Variants in ATP10B observed in about 807,000 individuals in gnomAD.
ATP10B encodes the protein ATPase phospholipid transporting 10B (putative).
Under a neutral mutation model 141.2 loss-of-function variants are expected in ATP10B, and 122 were observed. The ratio of observed to expected loss-of-function variants is 0.86; its 90% confidence interval spans 0.75 to 1.00. ATP10B has a LOEUF of 1.00. ATP10B is among the 50% of genes least tolerant of loss of function. The probability of loss-of-function intolerance (pLI) is 0.00; values close to 1 mark genes in which losing one functional copy is unlikely to be tolerated. For synonymous variants in ATP10B, 685 were observed against 692.0 expected (o/e 0.99, Z 0.16); for missense variants, 1,876 against 1,825.3 (o/e 1.03, Z -0.51).
At chr5:160,639,698 C>CAAT in intron 10 of ATP10B, among the ~76,000 whole-genome samples, 1 of 152,096 alleles carries the variant, frequency 6.6e-6, no homozygotes, top group African/African-American at 2.4e-5. Flanking sequence ...TTGCGGAAGA[C>CAAT]AATTTTTCCA....
intron 10 of ATP10B, among the ~76,000 whole-genome samples, chr5:160,637,456 G>C (rs565961305): frequency 6.6e-6 from 1 of 152,182 alleles, no homozygotes; most frequent in Non-Finnish European, 1.5e-5. Context: ...AAATTAGGGA[G>C]CCAGGCATAA....
At chr5:160,883,394 G>C in the ATP10B span, among the ~76,000 whole-genome samples, 3 of 152,156 alleles carry the variant, frequency 2.0e-5, no homozygotes, top group South Asian at 6.2e-4. Context: ...GTCATGTATG[G>C]ATAATGGTTT....
intron 3 of ATP10B, among the ~76,000 whole-genome samples, chr5:160,705,033 C>A (rs2127765016): frequency 6.7e-6 from 1 of 149,114 alleles, no homozygotes; most frequent in East Asian, 2.1e-4. Flanking sequence ...ATTCTCCTGC[C>A]TCAGCCTCCC....
intron 20 of ATP10B, 166 bp downstream of exon 20, chr5:160,603,799 T>A (rs1375062533): frequency 3.5e-6 from 2 of 569,024 alleles, no homozygotes; most frequent in Non-Finnish European, 6.3e-6. Flanking sequence ...AGTGTACATT[T>A]GCAAAATGAT....
chr5:160,636,437 A>G (rs887653547), intron 10 of ATP10B, 128 bp from the exon 11 acceptor site: 3 of 951,158 alleles, frequency 3.2e-6, no homozygotes, highest in African/African-American at 1.6e-5. Flanking sequence ...CTTCCATACA[A>G]TGTAGCTCTG....
At chr5:160,808,625 C>T (rs945771367) in intron 1 of ATP10B, among the ~76,000 whole-genome samples, 2 of 152,172 alleles carry the variant, frequency 1.3e-5, no homozygotes, top group South Asian at 2.1e-4. Flanking sequence ...ATGTTCTGCC[C>T]CAAACTCTTG....
chr5:160,652,792 A>G (rs1760867933), intron 7 of ATP10B, among the ~76,000 whole-genome samples: 2 of 108,342 alleles, frequency 1.8e-5, no homozygotes, highest in South Asian at 4.7e-4. Flanking sequence ...ATATAAAAAT[A>G]TATAATATAT....
rs1375761792 is a variant in ATP10B at position 160,686,076 on chromosome 5, T to C, written c.470+3A>G. 3.9e-6 allele frequency: 6 copies of C among 1,554,998 alleles called. No individual in the cohort carries two copies. The African/African-American group carries it at 6.8e-5, about 18-fold the overall frequency. On this transcript the variant is annotated splice_donor_region_variant and intron_variant, in intron 6 of 25. Coordinates refer to ENST00000327245, the MANE Select transcript of ATP10B (RefSeq NM_025153.3). ...GAGAGAACACAGGGATGGTTTTTCT[T>C]ACCTTTCATAAATTCGAATGTTGGA...
the ATP10B span, among the ~76,000 whole-genome samples, chr5:160,873,667 G>A: frequency 1.0e-3 from 156 of 152,314 alleles, no homozygotes; most frequent in Non-Finnish European, 1.2e-4. Flanking sequence ...ACGCAGGTCA[G>A]TGGGTGCACG....
At chr5:160,747,834 T>G (rs1371530970) in intron 2 of ATP10B, among the ~76,000 whole-genome samples, 1 of 152,146 alleles carries the variant, frequency 6.6e-6, no homozygotes, top group African/African-American at 2.4e-5. Context: ...TCTCATAGCT[T>G]GCTTTTATCT....
chr5:160,838,477 T>G (rs541057046), intron 1 of ATP10B, among the ~76,000 whole-genome samples: 33 of 152,320 alleles, frequency 2.2e-4, no homozygotes, highest in Non-Finnish European at 7.4e-5. Flanking sequence ...TCAAAATACT[T>G]AAGCCACACC....
At chr5:160,803,643 T>A (rs1254031507) in intron 1 of ATP10B, among the ~76,000 whole-genome samples, 1 of 151,996 alleles carries the variant, frequency 6.6e-6, no homozygotes, top group Non-Finnish European at 1.5e-5. Flanking sequence ...ACCACTGTAC[T>A]CCAGCCTGGG....
At chr5:160,728,697 G>T (rs911744852) in intron 2 of ATP10B, among the ~76,000 whole-genome samples, 1 of 152,150 alleles carries the variant, frequency 6.6e-6, no homozygotes, top group Non-Finnish European at 1.5e-5. Context: ...CACACCTTTG[G>T]TCTTGGGGAA....
chr5:160,653,097 C>T (rs1326938691), intron 7 of ATP10B, among the ~76,000 whole-genome samples: 8 of 116,490 alleles, frequency 6.9e-5, no homozygotes, highest in South Asian at 2.6e-4. Flanking sequence ...TATATATACA[C>T]GTGTATATAT....
At chr5:160,818,151 G>A (rs1471032231) in intron 1 of ATP10B, among the ~76,000 whole-genome samples, 2 of 152,136 alleles carry the variant, frequency 1.3e-5, no homozygotes, top group Non-Finnish European at 2.9e-5. Flanking sequence ...TGACAAATGG[G>A]ATCTAATTAA....
In ATP10B at chr5:160,565,601, C is replaced by T; in HGVS notation, c.4238G>A (p.Cys1413Tyr). The T allele has an allele frequency of 6.2e-7, 1 of 1,614,138 alleles. No individual in the cohort carries two copies. Among genetic ancestry groups the T allele is most frequent in the Non-Finnish European group, 8.5e-7 (1 of 1,179,986 alleles). Reference protein sequence around the residue: ...CGTECMRDDSCSGDSSAQLSS... With the variant: ...CGTECMRDDSYSGDSSAQLSS... ...GAGTTGAGCTGAGGAGTCCCCTGAG[C>T]ATGAGTCATCCCTCATGCACTCCGT... Residue 1413 changes from cysteine to tyrosine, a missense_variant, in exon 26 of 26, where the codon TGC becomes TAC. By Grantham distance (194) the Cys-to-Tyr change is radical (BLOSUM62 -2). Coordinates refer to ENST00000327245, the MANE Select transcript of ATP10B (RefSeq NM_025153.3).
chr5:160,889,335 C>T, the ATP10B span, among the ~76,000 whole-genome samples: 1 of 152,300 alleles, frequency 6.6e-6, no homozygotes, highest in African/African-American at 2.4e-5. Flanking sequence ...CTTTACTCTT[C>T]AAGGTAAGAC....
At chr5:160,838,579 A>G (rs1412008062) in intron 1 of ATP10B, among the ~76,000 whole-genome samples, 1 of 152,114 alleles carries the variant, frequency 6.6e-6, no homozygotes, top group Non-Finnish European at 1.5e-5. Context: ...CCATTCAAAT[A>G]TTTTTCTTTG....
the ATP10B span, among the ~76,000 whole-genome samples, chr5:160,892,473 TG>T: frequency 6.6e-6 from 1 of 152,242 alleles, no homozygotes; most frequent in Non-Finnish European, 1.5e-5. Flanking sequence ...AGATAATTTT[TG>T]GGGGCACTGC....
Sources: allele counts gnomAD v4.1 joint callset (sites outside exome capture counted in the v4.1 genomes callset), GRCh38; gene constraint gnomAD v4.1.1; transcripts MANE v1.5; gene names NCBI Gene and HGNC (gene_info 2026-07-23, HGNC 2026-07-21).